Variants in DOCK1 observed in about 807,000 individuals in gnomAD.
DOCK1 encodes the protein dedicator of cytokinesis protein 1.
Under a neutral mutation model 262.7 loss-of-function variants are expected in DOCK1, and 138 were observed. That is an observed-to-expected ratio of 0.53 (90% confidence interval 0.46 to 0.61). DOCK1 has a LOEUF of 0.61. Ranked by LOEUF, DOCK1 falls within the 20% of genes least tolerant of loss-of-function variation. The pLI, the probability that DOCK1 is intolerant of heterozygous loss-of-function variation, is 0.00. For synonymous variants in DOCK1, 866 were observed against 867.4 expected, an observed-to-expected ratio of 1.00 and a Z score of 0.03; for missense variants, 1,908 against 2,370.7, an observed-to-expected ratio of 0.80 and a Z score of 4.05.
rs966879131 is a variant in DOCK1 at position 127,451,748 on chromosome 10, C to A, written c.*321C>A. The A allele has an allele frequency of 9.0e-5, 34 of 379,132 alleles. No individual in the cohort carries two copies. Among genetic ancestry groups the A allele is most frequent in the Non-Finnish European group, 1.6e-4 (33 of 211,734 alleles). 23.5% of individuals were successfully genotyped at this position (379,132 alleles called of 1,614,324 possible). A position where few individuals can be genotyped will look rare whatever the true frequency, so the allele number is the denominator to read the frequency against. On this transcript the variant is annotated 3_prime_UTR_variant, in exon 52 of 52. Coordinates refer to ENST00000623213, the MANE Select transcript of DOCK1 (RefSeq NM_001290223.2). ...CTTTCTTTTTGTGCCAAATGACTTG[C>A]ATTTGCAAAGAGCTCAATTGCTCTG...
intron 38 of DOCK1, among the ~76,000 whole-genome samples, chr10:127,394,798 C>T (rs752612052): frequency 6.6e-5 from 10 of 152,154 alleles, no homozygotes; most frequent in Admixed American, 2.6e-4. Flanking sequence ...TGCCGTCCTG[C>T]GCCGTGAAAT....
intron 25 of DOCK1, among the ~76,000 whole-genome samples, chr10:127,118,094 G>A (rs565099886): frequency 6.6e-6 from 1 of 151,942 alleles, no homozygotes; most frequent in African/African-American, 2.4e-5. Flanking sequence ...ATGTTTTTTT[G>A]CTACCTTTAT....
intron 1 of DOCK1, among the ~76,000 whole-genome samples, chr10:126,962,671 T>A (rs1486772937): frequency 6.6e-6 from 1 of 152,236 alleles, no homozygotes; most frequent in African/African-American, 2.4e-5. Flanking sequence ...TCTCCCCTTC[T>A]GTAGGTTGCC....
intron 27 of DOCK1, among the ~76,000 whole-genome samples, chr10:127,217,681 T>C (rs1292777566): frequency 6.6e-6 from 1 of 152,240 alleles, no homozygotes; most frequent in Non-Finnish European, 1.5e-5. Context: ...AATAAGGTTG[T>C]CTATATGCTA....
At chr10:127,163,043 C>T (rs772640850) in intron 27 of DOCK1, among the ~76,000 whole-genome samples, 3 of 152,168 alleles carry the variant, frequency 2.0e-5, no homozygotes, top group African/African-American at 4.8e-5. Flanking sequence ...CTCTTCCCTC[C>T]GGGGCAGCAC....
At chr10:127,266,744 G>T (rs1750537215) in intron 29 of DOCK1, among the ~76,000 whole-genome samples, 1 of 152,126 alleles carries the variant, frequency 6.6e-6, no homozygotes, top group African/African-American at 2.4e-5. Flanking sequence ...AAACATTCTG[G>T]AATGAAGATT....
intron 38 of DOCK1, among the ~76,000 whole-genome samples, chr10:127,396,952 A>C (rs1310775523): frequency 5.6e-4 from 81 of 145,220 alleles, no homozygotes; most frequent in African/African-American, 2.0e-3. Context: ...TCTGAGCATG[A>C]GTTACACGGG....
At chr10:127,354,211 T>C (rs2064024714) in intron 31 of DOCK1, among the ~76,000 whole-genome samples, 1 of 152,180 alleles carries the variant, frequency 6.6e-6, no homozygotes, top group South Asian at 2.1e-4. Flanking sequence ...TTCCTTACAT[T>C]TAAAATGACA....
chr10:127,386,912 C>T (rs4751311), intron 38 of DOCK1, among the ~76,000 whole-genome samples: 127,552 of 151,888 alleles, frequency 0.84, 53,956 homozygotes, highest in African/African-American at 0.95. Flanking sequence ...ATTACTATAA[C>T]TGTACTAGGT....
rs981905633 is a variant in DOCK1, at chr10:127,437,167, C to T, written c.5061-1860C>T. ...ACTTGTGTGTTCTTCCATTCAGAGG[C>T]ACATCATAACCTGTTCTCTCTCTTA... is the stretch of plus-strand genomic sequence containing the variant. On this transcript the variant is annotated intron_variant, in intron 48 of 51. Coordinates refer to ENST00000623213, the MANE Select transcript of DOCK1 (RefSeq NM_001290223.2). The surrounding 1 kb of genome is among the most constrained non-coding windows in gnomAD (Gnocchi z 4.4). Among the ~76,000 whole-genome samples, 4 of 152,188 alleles carry T rather than the reference C, an allele frequency of 2.6e-5. No individual in the cohort carries two copies. The highest frequency in any genetic ancestry group is 5.9e-5 in the Non-Finnish European group (4 of 68,032).
At chr10:127,025,070 G>A (rs1230237972) in intron 15 of DOCK1, 5 of 245,862 alleles carry the variant, frequency 2.0e-5, no homozygotes, top group Non-Finnish European at 4.0e-5. Context: ...TTTATGTGTG[G>A]CATGCTGTCT....
Position 127,176,014 on chromosome 10 carries a change from T to C in DOCK1, c.2847+48250T>C. On this transcript the variant is annotated intron_variant, in intron 27 of 51. Transcript: ENST00000623213. This position sits in a 1 kb window ranked among gnomAD's most constrained non-coding sequence, Gnocchi z 4.4. ...AAGGGATCTGCAGCTGGGAGGCTTT[T>C]GAGGTTCCCCTTTTTGCGGTCCAGA... The C allele has an allele frequency of 6.2e-7, 1 of 1,614,222 alleles. No homozygotes were observed. The highest frequency in any genetic ancestry group is 1.1e-5 in the South Asian group (1 of 91,086).
chr10:127,144,989 T>C (rs1356728668), intron 27 of DOCK1, among the ~76,000 whole-genome samples: 2 of 152,206 alleles, frequency 1.3e-5, no homozygotes, highest in African/African-American at 2.4e-5. Context: ...TAGCTGTATA[T>C]TTTACTATGA....
chr10:127,418,819 T>C (rs1344053090), intron 45 of DOCK1, among the ~76,000 whole-genome samples: 1 of 152,204 alleles, frequency 6.6e-6, no homozygotes, highest in African/African-American at 2.4e-5. Flanking sequence ...AGGCCTCCAG[T>C]GGCTTTTACA....
At chr10:127,169,487 A>G (rs2054368418) in intron 27 of DOCK1, among the ~76,000 whole-genome samples, 1 of 152,184 alleles carries the variant, frequency 6.6e-6, no homozygotes, top group Non-Finnish European at 1.5e-5. Flanking sequence ...CTGTATGAAT[A>G]TGGTCACTGT....
intron 49 of DOCK1, among the ~76,000 whole-genome samples, chr10:127,443,043 C>G (rs975536158): frequency 8.5e-5 from 13 of 152,086 alleles, no homozygotes; most frequent in African/African-American, 2.9e-4. Flanking sequence ...AGGGCTGATT[C>G]CTTCAGAGGC....
intron 25 of DOCK1, among the ~76,000 whole-genome samples, chr10:127,118,847 G>T (rs980659221): frequency 6.6e-6 from 1 of 152,208 alleles, no homozygotes; most frequent in South Asian, 2.1e-4. Context: ...CTAAGGTGCA[G>T]AAAGGAAAAG....
intron 27 of DOCK1, among the ~76,000 whole-genome samples, chr10:127,158,798 CAGTT>C (rs2053324161): frequency 6.6e-6 from 1 of 152,166 alleles, no homozygotes; most frequent in Non-Finnish European, 1.5e-5. Context: ...CGTCCCATGG[CAGTT>C]AGTTGTAAGT....
chr10:126,930,615 G>A (rs2034116641), intron 1 of DOCK1, among the ~76,000 whole-genome samples: 1 of 152,220 alleles, frequency 6.6e-6, no homozygotes, highest in African/African-American at 2.4e-5. Context: ...TTGTGAGACT[G>A]GAGATTCTGA....
Sources: allele counts gnomAD v4.1 joint callset (sites outside exome capture counted in the v4.1 genomes callset), GRCh38; gene constraint gnomAD v4.1.1; non-coding constraint Gnocchi (gnomAD v3.1); transcripts MANE v1.5; gene names NCBI Gene and HGNC (gene_info 2026-07-23, HGNC 2026-07-21).